Variants in EFCAB5 observed in about 807,000 individuals in gnomAD.
The protein encoded by EFCAB5 is EF-hand calcium-binding domain-containing protein 5.
In EFCAB5, 131 loss-of-function variants were observed where a neutral mutation model predicts 167.9. The observed-to-expected ratio is 0.78, with a 90% CI of 0.68 to 0.90. The LOEUF (loss-of-function observed/expected upper bound fraction) is 0.90. EFCAB5 is among the 40% of genes least tolerant of loss of function. The pLI is 0.00. For synonymous variants in EFCAB5, 574 were observed against 602.8 expected, an observed-to-expected ratio of 0.95 and a Z score of 0.70; for missense variants, 1,663 against 1,745.2, an observed-to-expected ratio of 0.95 and a Z score of 0.84.
At chr17:29,987,126 A>T (rs1410586323) in intron 4 of EFCAB5, among the ~76,000 whole-genome samples, 1 of 152,146 alleles carries the variant, frequency 6.6e-6, no homozygotes, top group South Asian at 2.1e-4. Context: ...CCACTATCAT[A>T]GCTATCATTA....
chr17:29,984,417 C>G (rs73265737), intron 4 of EFCAB5, among the ~76,000 whole-genome samples: 2,478 of 151,932 alleles, frequency 0.016, 70 homozygotes, highest in African/African-American at 0.056. Context: ...AAACTTAGCA[C>G]TCCTTTAAAA....
At chr17:30,093,609 A>G (rs1047401453) in intron 22 of EFCAB5, among the ~76,000 whole-genome samples, 1 of 152,136 alleles carries the variant, frequency 6.6e-6, no homozygotes, top group African/African-American at 2.4e-5. Context: ...GAGTTTCTGG[A>G]TTAACGGGGA....
chr17:29,985,202 A>G (rs2151616742), intron 4 of EFCAB5, among the ~76,000 whole-genome samples: 1 of 152,326 alleles, frequency 6.6e-6, no homozygotes, highest in East Asian at 1.9e-4. Context: ...TGGGTGATGC[A>G]GTTCTGGCTG....
At chr17:30,048,214 A>C (rs1021749882) in intron 8 of EFCAB5, among the ~76,000 whole-genome samples, 1 of 152,172 alleles carries the variant, frequency 6.6e-6, no homozygotes, top group Non-Finnish European at 1.5e-5. Flanking sequence ...GTTTAATTGG[A>C]ATAGACACAC....
intron 4 of EFCAB5, among the ~76,000 whole-genome samples, chr17:29,987,018 G>A (rs957242491): frequency 6.6e-5 from 10 of 152,212 alleles, no homozygotes; most frequent in Admixed American, 6.5e-4. Context: ...ATTACGTCCA[G>A]GCATTATTGC....
intron 3 of EFCAB5, among the ~76,000 whole-genome samples, chr17:29,960,491 A>G (rs1165434084): frequency 6.6e-6 from 1 of 152,188 alleles, no homozygotes; most frequent in Non-Finnish European, 1.5e-5. Context: ...GGTTTGTTAC[A>G]TAGGTAAACA....
chr17:30,106,134 T>TA lies in EFCAB5; in HGVS notation c.4322-1691dup, dbSNP rs67695294. Among the ~76,000 whole-genome samples, 679 of 150,614 alleles carry TA rather than the reference T, an allele frequency of 4.5e-3. 6 individuals carry two copies. The highest frequency in any genetic ancestry group is 0.016 in the African/African-American group (637 of 41,070). On this transcript the variant is annotated intron_variant, in intron 22 of 22. Coordinates refer to ENST00000394835, the MANE Select transcript of EFCAB5 (RefSeq NM_198529.4). Reference sequence around the variant, plus strand: ...TGATATTTAAAAGCTTTTACTCAATTAAAAAAAAAGCCAGGTGCAGTGGCT... The same window carrying TA: ...TGATATTTAAAAGCTTTTACTCAATTAAAAAAAAAAGCCAGGTGCAGTGGCT...
In EFCAB5 at chr17:30,053,415, T is replaced by G; in HGVS notation, c.1461T>G (p.Ser487Arg). The G allele has an allele frequency of 6.2e-7, 1 of 1,613,836 alleles. No homozygotes were observed. ...AAACCCAAAGTAAATTATTAGAAAG[T>G]CCAGATCAACCTAAACTTAACGAAC... ...ASKTQSKLLE[S>R]PDQPKLNEQR... The change falls in exon 10 of 23, where the codon AGT (serine) becomes AGG (arginine). Residue 487 changes from serine (S) to arginine (R), a missense_variant. Physicochemically the swap from Ser to Arg is moderately radical, Grantham distance 110. Coordinates refer to ENST00000394835, the MANE Select transcript of EFCAB5 (RefSeq NM_198529.4).
At chr17:30,042,534 A>G (rs1010744451) in intron 8 of EFCAB5, among the ~76,000 whole-genome samples, 3 of 152,196 alleles carry the variant, frequency 2.0e-5, no homozygotes, top group African/African-American at 7.2e-5. Context: ...GAATTTGCAA[A>G]TTACATTAAA....
chr17:30,069,527 G>T, intron 14 of EFCAB5: 1 of 1,610,710 alleles, frequency 6.2e-7, no homozygotes, highest in Non-Finnish European at 8.5e-7. Flanking sequence ...AGGCAACGAA[G>T]ACATAAGAGA....
chr17:30,067,874 T>C (rs183259954), intron 14 of EFCAB5, among the ~76,000 whole-genome samples: 4 of 152,260 alleles, frequency 2.6e-5, no homozygotes, highest in African/African-American at 9.6e-5. Flanking sequence ...GGCATCCAAA[T>C]TGGAAAAGAG....
At chr17:30,061,731 C>A (rs1323226270) in intron 14 of EFCAB5, among the ~76,000 whole-genome samples, 2 of 152,102 alleles carry the variant, frequency 1.3e-5, no homozygotes, top group East Asian at 3.9e-4. Flanking sequence ...GCTGTGCCAC[C>A]ATGCCTGGCT....
At chr17:30,089,512 G>A (rs1234528482) in intron 19 of EFCAB5, among the ~76,000 whole-genome samples, 1 of 152,126 alleles carries the variant, frequency 6.6e-6, no homozygotes, top group Non-Finnish European at 1.5e-5. Context: ...GAAAGAAAAA[G>A]AGGTGTGTCT....
At chr17:30,009,891 C>T (rs1280278274) in intron 7 of EFCAB5, among the ~76,000 whole-genome samples, 2 of 151,878 alleles carry the variant, frequency 1.3e-5, no homozygotes, top group Admixed American at 6.6e-5. Flanking sequence ...ATACATGTGC[C>T]GTGTTGGTTT....
chr17:29,992,222 T>C (rs922785537), intron 4 of EFCAB5, among the ~76,000 whole-genome samples: 1 of 152,222 alleles, frequency 6.6e-6, no homozygotes, highest in Non-Finnish European at 1.5e-5. Flanking sequence ...AAGTGAAAAC[T>C]TGTGGTATTT....
At chr17:29,973,883 C>T (rs1224162863) in intron 4 of EFCAB5, among the ~76,000 whole-genome samples, 2 of 151,480 alleles carry the variant, frequency 1.3e-5, no homozygotes, top group Admixed American at 1.3e-4. Flanking sequence ...AATGGCCCAG[C>T]GCGGTGGCTC....
intron 3 of EFCAB5, among the ~76,000 whole-genome samples, chr17:29,963,087 A>G (rs1484969373): frequency 6.6e-6 from 1 of 151,992 alleles, no homozygotes; most frequent in African/African-American, 2.4e-5. Flanking sequence ...GACTATAGGC[A>G]TGTGCTACCA....
intron 3 of EFCAB5, among the ~76,000 whole-genome samples, chr17:29,956,124 T>C (rs2067610142): frequency 6.6e-6 from 1 of 152,220 alleles, no homozygotes; most frequent in Non-Finnish European, 1.5e-5. Context: ...TGCAGAATAT[T>C]GAAACAGTTT....
At position 30,034,358 on chromosome 17, in the gene EFCAB5, A is replaced by G; in HGVS notation, c.1173A>G (p.Glu391=). Residue 391 remains glutamate (E), a synonymous_variant, in exon 8 of 23, where the codon GAA becomes GAG. Coordinates refer to ENST00000394835, the MANE Select transcript of EFCAB5 (RefSeq NM_198529.4). ...KADMRRQMFA[E]LFLHCDHGKV... is the part of the protein sequence containing the mutation. ...ACATGCGGAGGCAGATGTTCGCTGA[A>G]CTCTTCCTACATTGTGACCACGGGA... 1 of 1,607,622 alleles carries G rather than the reference A, an allele frequency of 6.2e-7. No individual in the cohort carries two copies. Among genetic ancestry groups the G allele is most frequent in the Non-Finnish European group, 8.5e-7 (1 of 1,176,440 alleles).
Sources: allele counts gnomAD v4.1 joint callset (sites outside exome capture counted in the v4.1 genomes callset), GRCh38; gene constraint gnomAD v4.1.1; transcripts MANE v1.5; gene names NCBI Gene and HGNC (gene_info 2026-07-23, HGNC 2026-07-21).